Variants in ITGB2 observed in about 807,000 individuals in gnomAD.
ITGB2 encodes integrin subunit beta 2, also known as integrin beta-2.
Under a neutral mutation model 86.8 loss-of-function variants are expected in ITGB2, and 56 were observed. The observed-to-expected ratio is 0.65, with a 90% CI of 0.52 to 0.81. The LOEUF is 0.81. ITGB2 is among the 30% of genes least tolerant of loss of function. The probability of loss-of-function intolerance (pLI) is 0.00; values close to 1 mark genes in which losing one functional copy is unlikely to be tolerated. For missense variants in ITGB2, 948 were observed against 1,061.2 expected, an observed-to-expected ratio of 0.89 and a Z score of 1.48; for synonymous variants, 457 against 450.4, an observed-to-expected ratio of 1.01 and a Z score of -0.19.
chr21:44,893,445 G>A lies in ITGB2; in HGVS notation c.1183C>T (p.Gln395Ter), dbSNP rs772082846. 1.2e-6 allele frequency: 2 copies of A among 1,614,186 alleles called. No individual in the cohort carries two copies. The highest frequency in any genetic ancestry group is 1.1e-5 in the South Asian group (1 of 91,082). ...ACGCCATCACAGTCACCTCTGGGCT[G>A]GTTCCTGTGCGTCACTCCATTGCTG... ...FCSNGVTHRN[Q>*]PRGDCDGVQI... The change falls in exon 10 of 16, where the codon CAG becomes TAG. Residue 395 changes from glutamine (Q) to a stop codon, truncating the protein, a stop_gained. Transcript: ENST00000652462. LOFTEE classifies it high-confidence loss of function.
chr21:44,889,949 C>T (rs1032950586), intron 12 of ITGB2, 29 bp downstream of exon 12: 12 of 1,612,038 alleles, frequency 7.4e-6, no homozygotes, highest in African/African-American at 1.3e-5. Context: ...GCAGGACGGC[C>T]GTTGTCCAGC....
chr21:44,888,700 CTCA>C lies in ITGB2; in HGVS notation c.2070_2072del (p.Asp690del). On this transcript the variant is annotated inframe_deletion, in exon 14 of 16. Coordinates refer to ENST00000652462, the MANE Select transcript of ITGB2 (RefSeq NM_000211.5). Reference sequence around the variant, plus strand: ...GCACCCCAGCGGCCTCACCTCGGCTCTCATCCACATAGATGAGGTAGCGGTCCA... The same window carrying C: ...GCACCCCAGCGGCCTCACCTCGGCTCTCCACATAGATGAGGTAGCGGTCCA... 1 of 1,608,620 alleles carries C rather than the reference CTCA, an allele frequency of 6.2e-7. No individual in the cohort carries two copies. The highest frequency in any genetic ancestry group is 8.5e-7 in the Non-Finnish European group (1 of 1,179,934).
intron 4 of ITGB2, among the ~76,000 whole-genome samples, chr21:44,905,620 C>T (rs955965691): frequency 6.6e-6 from 1 of 152,238 alleles, no homozygotes; most frequent in African/African-American, 2.4e-5. Flanking sequence ...GGGCCAGGCC[C>T]TCGAGTTTGA....
chr21:44,919,080 G>A (rs1446033677), intron 1 of ITGB2, among the ~76,000 whole-genome samples: 4 of 136,296 alleles, frequency 2.9e-5, no homozygotes, highest in Middle Eastern at 3.9e-3. Context: ...TACGCTGAGC[G>A]GCAGTGACGC....
exon 1 of ITGB2, chr21:44,928,786 T>C (rs1241099135): frequency 1.1e-5 from 2 of 176,354 alleles, no homozygotes; most frequent in Non-Finnish European, 2.4e-5. Context: ...CGTGAGGACT[T>C]CTTTGGGGAT....
At chr21:44,899,017 G>T in intron 8 of ITGB2, 50 bp downstream of exon 8, 1 of 1,448,558 alleles carries the variant, frequency 6.9e-7, no homozygotes, top group Non-Finnish European at 9.7e-7. Flanking sequence ...CTGGCCTGTG[G>T]CTGAAACATG....
chr21:44,892,733 C>CAA (rs547041931), intron 10 of ITGB2, among the ~76,000 whole-genome samples: 5 of 126,402 alleles, frequency 4.0e-5, no homozygotes, highest in Non-Finnish European at 5.1e-5. Context: ...TCACAGCTAG[C>CAA]AAAAAAAAAA....
chr21:44,915,614 T>C (rs1478874119), intron 1 of ITGB2, among the ~76,000 whole-genome samples: 1 of 152,192 alleles, frequency 6.6e-6, no homozygotes, highest in Non-Finnish European at 1.5e-5. Flanking sequence ...CATCCACCTT[T>C]TAAGCCAAAA....
chr21:44,903,677 G>A, intron 4 of ITGB2, 142 bp from the exon 5 acceptor site: 3 of 939,380 alleles, frequency 3.2e-6, no homozygotes, highest in Non-Finnish European at 4.9e-6. Context: ...TCCCCGCCTG[G>A]CAGGAGAGCT....
chr21:44,916,776 G>C (rs1303054034), intron 1 of ITGB2, among the ~76,000 whole-genome samples: 2 of 151,678 alleles, frequency 1.3e-5, no homozygotes, highest in Admixed American at 6.6e-5. Flanking sequence ...GCTGAGGCAG[G>C]AGAATCACTT....
chr21:44,889,456 G>T lies in ITGB2; in HGVS notation c.1697C>A (p.Pro566Gln). 2 of 1,594,468 alleles carry T rather than the reference G, an allele frequency of 1.3e-6. No homozygotes were observed. Among genetic ancestry groups the T allele is most frequent in the African/African-American group, 1.3e-5 (1 of 74,470 alleles). The change falls in exon 13 of 16, where the codon CCG (proline) becomes CAG (glutamine). Residue 566 changes from proline to glutamine, a missense_variant. Physicochemically the swap from Pro to Gln is moderately conservative, Grantham distance 76. Transcript: ENST00000652462. ...LCFCGKCRCH[P>Q]GFEGSACQCE... ...CTGGCACGCTGAGCCCTCAAAGCCC[G>T]GGTGGCAGCGGCACTTCCCGCAGAA...
chr21:44,906,804 G>A (rs1054102570), intron 4 of ITGB2, 111 bp downstream of exon 4: 67 of 1,197,338 alleles, frequency 5.6e-5, no homozygotes, highest in Non-Finnish European at 6.6e-5. Context: ...CGTCCGACCC[G>A]GACACATGCC....
intron 9 of ITGB2, chr21:44,893,842 G>A (rs2083825411): frequency 2.4e-6 from 1 of 411,814 alleles, no homozygotes; most frequent in South Asian, 2.1e-5. Flanking sequence ...CACAGGGCAG[G>A]AGCTGCATAA....
intron 8 of ITGB2, among the ~76,000 whole-genome samples, chr21:44,896,496 C>T (rs1022237741): frequency 1.3e-5 from 2 of 152,206 alleles, no homozygotes; most frequent in Non-Finnish European, 2.9e-5. Flanking sequence ...AGCAGATGGT[C>T]GGGTCACCTC....
Position 44,886,814 on chromosome 21 carries a change from C to G in ITGB2, c.2169G>C (p.Trp723Cys), listed in dbSNP as rs755792143. 1 of 1,614,000 alleles carries G rather than the reference C, an allele frequency of 6.2e-7. No homozygotes were observed. The highest frequency in any genetic ancestry group is 8.5e-7 in the Non-Finnish European group (1 of 1,180,028). Residue 723 changes from tryptophan to cysteine, a missense_variant, in exon 15 of 16, where the codon TGG (tryptophan) becomes TGC (cysteine). Trp to Cys is a radical substitution (Grantham distance 215, BLOSUM62 -2). Coordinates refer to ENST00000652462, the MANE Select transcript of ITGB2 (RefSeq NM_000211.5). ...VLIGILLLVI[W>C]KALIHLSDLR... is the part of the protein sequence containing the mutation. ...GGTCGCTCAGGTGGATCAGAGCCTT[C>G]CAGATGACCAGCAGGAGAATGCCGA...
chr21:44,919,238 C>T (rs574884247), intron 1 of ITGB2, among the ~76,000 whole-genome samples: 136 of 152,264 alleles, frequency 8.9e-4, no homozygotes, highest in African/African-American at 3.2e-3. Flanking sequence ...CGGGGACTGG[C>T]CCTGGGGCCG....
rs375025770 is a variant in ITGB2, at chr21:44,900,914, C to T, written c.742-439G>A. ...GCCCCTGGCAGGCGCATGTGGGGGC[C>T]GTGCGTGTCCTAGGCTGTGACCTCA... is the stretch of plus-strand genomic sequence containing the variant. On this transcript the variant is annotated intron_variant, in intron 6 of 15. Coordinates refer to ENST00000652462, the MANE Select transcript of ITGB2 (RefSeq NM_000211.5). Among the ~76,000 whole-genome samples, 16 of 152,338 alleles carry T rather than the reference C, an allele frequency of 1.1e-4. No individual in the cohort carries two copies. The East Asian group carries it at 2.7e-3, about 26-fold the overall frequency.
chr21:44,919,913 G>A lies in ITGB2; in HGVS notation c.-4+908C>T, dbSNP rs539543326. 5.3e-5 allele frequency among the ~76,000 whole-genome samples: 8 copies of A among 152,294 alleles called. No individual in the cohort carries two copies. The South Asian group carries it at 6.2e-4, about 12-fold the overall frequency. On this transcript the variant is annotated intron_variant, in intron 1 of 15. Coordinates refer to ENST00000652462, the MANE Select transcript of ITGB2 (RefSeq NM_000211.5). ...CTGGCCCCAAGAGTGCAGTGTTGGG[G>A]GAAGGGGGCCAGGTGGGCCTGGGAC...
chr21:44,925,874 C>T (rs1288394026), upstream of ITGB2, among the ~76,000 whole-genome samples: 3 of 152,060 alleles, frequency 2.0e-5, no homozygotes, highest in African/African-American at 7.3e-5. Flanking sequence ...GTCAGGAGTT[C>T]GAGACCATCC....
Sources: gnomAD v4.1 joint callset for allele counts (sites outside exome capture counted in the v4.1 genomes callset) on GRCh38, gnomAD v4.1.1 for gene constraint, MANE v1.5 for transcripts, NCBI Gene and HGNC (gene_info 2026-07-23, HGNC 2026-07-21) for gene names.